The following DOCK4 variants were observed in gnomAD, a reference collection of about 807,000 sequenced individuals.
DOCK4 encodes the protein dedicator of cytokinesis 4, also known as dedicator of cytokinesis protein 4.
A neutral mutation model predicts 268.1 loss-of-function variants in DOCK4; 97 were observed. That is an observed-to-expected ratio of 0.36 (90% confidence interval 0.31 to 0.43). DOCK4 has a LOEUF of 0.43. Among genes scored for constraint, DOCK4 ranks in the 20% least tolerant of loss-of-function variants. The pLI is 1.00. For synonymous variants in DOCK4, 954 were observed against 887.2 expected, an observed-to-expected ratio of 1.08 and a Z score of -1.34; for missense variants, 2,145 against 2,455.7, an observed-to-expected ratio of 0.87 and a Z score of 2.67.
In DOCK4 at chr7:111,959,950, G is replaced by C. The variant is rs1586499836; in HGVS notation, c.702-14152C>G. Among the ~76,000 whole-genome samples the C allele has an allele frequency of 2.6e-5, 4 of 152,234 alleles. No individual in the cohort carries two copies. In the South Asian group the frequency reaches 8.3e-4, roughly 32 times the overall value. On this transcript the variant is annotated intron_variant, in intron 8 of 52. Transcript: ENST00000428084. ...TAGCAATTTCAGACGTCTCCCATTG[G>C]TGCGGCCATCACTGCACTCAGCAAT... is the stretch of plus-strand genomic sequence containing the variant.
intron 16 of DOCK4, among the ~76,000 whole-genome samples, chr7:111,893,952 A>G (rs773404788): frequency 3.3e-5 from 5 of 152,156 alleles, no homozygotes; most frequent in African/African-American, 4.8e-5. Context: ...GGCTGGGCGC[A>G]GTGGCCCACG....
At chr7:112,113,704 AC>A (rs2115743877) in intron 1 of DOCK4, among the ~76,000 whole-genome samples, 1 of 138,082 alleles carries the variant, frequency 7.2e-6, no homozygotes, top group South Asian at 2.4e-4. Flanking sequence ...AGTAGCTGAG[AC>A]TTCAGGCATG....
At chr7:112,005,333 G>T (rs1444098912) in intron 1 of DOCK4, among the ~76,000 whole-genome samples, 1 of 152,134 alleles carries the variant, frequency 6.6e-6, no homozygotes, top group East Asian at 1.9e-4. Flanking sequence ...GCCCTTTTAT[G>T]ATCTCAAAAC....
chr7:112,000,446 T>C (rs1320349890), intron 3 of DOCK4, 48 bp downstream of exon 3: 6 of 1,125,158 alleles, frequency 5.3e-6, no homozygotes, highest in Non-Finnish European at 6.3e-6. Context: ...TAAATAACTA[T>C]CTTTCTTAAT....
rs776797419 is a variant in DOCK4, at chr7:111,808,824, G to A, written c.3163C>T (p.Leu1055=). 1.2e-6 allele frequency: 2 copies of A among 1,612,312 alleles called. No homozygotes were observed. The highest frequency in any genetic ancestry group is 1.1e-5 in the South Asian group (1 of 90,562). Residue 1055 remains leucine (L), a synonymous_variant, in exon 30 of 53, where the codon CTA becomes TTA. Transcript: ENST00000428084. ...GGCTTCTCTTTTCCTCACTTACCTA[G>A]GTTTTGCCACATGCTGAAAATTTCA... The part of the protein sequence containing the change: ...GCEIFSMWQN[L]GEHKLHFIPA...
At position 111,938,848 on chromosome 7, in the gene DOCK4, G is replaced by A. The variant is rs1006417760; in HGVS notation, c.977+1262C>T. On this transcript the variant is annotated intron_variant, in intron 11 of 52. Transcript: ENST00000428084. ...TTTGTAGCCAGGCATGGTGGCATGC[G>A]CCTGTAATCCCAGCTACTCAGGAGG... Among the ~76,000 whole-genome samples, 7 of 152,036 alleles carry A rather than the reference G, an allele frequency of 4.6e-5. 1 individual carries two copies. The highest frequency in any genetic ancestry group is 4.2e-4 in the South Asian group (2 of 4,810).
chr7:112,099,186 G>A (rs1264499048), intron 1 of DOCK4, among the ~76,000 whole-genome samples: 1 of 151,936 alleles, frequency 6.6e-6, no homozygotes, highest in Non-Finnish European at 1.5e-5. Flanking sequence ...CAACTACTTG[G>A]GAGGCTGAGA....
At chr7:111,904,638 T>A (rs1266063657) in intron 13 of DOCK4, among the ~76,000 whole-genome samples, 8 of 152,120 alleles carry the variant, frequency 5.3e-5, no homozygotes, top group Non-Finnish European at 1.2e-4. Context: ...AGATTCTGAA[T>A]TCAAATACAC....
intron 13 of DOCK4, among the ~76,000 whole-genome samples, chr7:111,908,684 T>C (rs1791824192): frequency 6.6e-6 from 1 of 152,054 alleles, no homozygotes; most frequent in African/African-American, 2.4e-5. Context: ...TTTGTCCTAA[T>C]GCTCTCCCTC....
At chr7:112,189,751 T>TTG (rs199827048) in intron 1 of DOCK4, among the ~76,000 whole-genome samples, 16,034 of 135,098 alleles carry the variant, frequency 0.12, 1,821 homozygotes, top group African/African-American at 0.34. Flanking sequence ...GTTTTGTTTT[T>TTG]TTTTTTTTTT....
intron 10 of DOCK4, among the ~76,000 whole-genome samples, chr7:111,940,813 T>C (rs1795144007): frequency 6.6e-6 from 1 of 152,230 alleles, no homozygotes; most frequent in African/African-American, 2.4e-5. Context: ...TTTAAAAATA[T>C]GTTATTAATA....
chr7:111,791,101 A>ATATATATATATATATATAT lies in DOCK4; in HGVS notation c.3167-497_3167-496insATATATATATATATATATA, dbSNP rs1355856524. On this transcript the variant is annotated intron_variant, in intron 30 of 52. Coordinates refer to ENST00000428084, the MANE Select transcript of DOCK4 (RefSeq NM_001363540.2). ...ATATATATATATATATATATATATA[A>ATATATATATATATATATAT]AATAAATCATCAGGAATTGGTTATG... is the stretch of plus-strand genomic sequence containing the variant. Among the ~76,000 whole-genome samples the ATATATATATATATATATAT allele has an allele frequency of 3.9e-4, 45 of 115,860 alleles. 1 individual carries two copies. Among genetic ancestry groups the ATATATATATATATATATAT allele is most frequent in the African/African-American group, 8.6e-4 (20 of 23,182 alleles). 76.0% of individuals were successfully genotyped at this position (115,860 alleles called of 152,430 possible). A position where few individuals can be genotyped will look rare whatever the true frequency, so the allele number is the denominator to read the frequency against.
intron 1 of DOCK4, among the ~76,000 whole-genome samples, chr7:112,103,079 T>C (rs1810834495): frequency 6.6e-6 from 1 of 152,236 alleles, no homozygotes; most frequent in Admixed American, 6.5e-5. Flanking sequence ...CTGACATGTC[T>C]GAATTTACCT....
Position 111,900,522 on chromosome 7 carries a change from G to A in DOCK4, c.1332C>T (p.Phe444=), listed in dbSNP as rs763782984. 2.5e-5 allele frequency: 41 copies of A among 1,610,456 alleles called. 1 individual carries two copies. The highest frequency in any genetic ancestry group is 1.6e-4 in the Middle Eastern group (1 of 6,082). ...SGQTLKDFIS[F]GSGEPPASEY... is the part of the protein sequence containing the mutation. Reference sequence around the variant, plus strand: ...CACTGGCTGGTGGCTCCCCAGAGCCGAAGGAGATAAAATCCTAACAAAGGG... The same window carrying A: ...CACTGGCTGGTGGCTCCCCAGAGCCAAAGGAGATAAAATCCTAACAAAGGG... The change falls in exon 15 of 53, where the codon TTC becomes TTT. Residue 444 remains phenylalanine, a synonymous_variant. Coordinates refer to ENST00000428084, the MANE Select transcript of DOCK4 (RefSeq NM_001363540.2).
At chr7:111,841,629 G>A (rs1803704634) in intron 25 of DOCK4, among the ~76,000 whole-genome samples, 1 of 152,064 alleles carries the variant, frequency 6.6e-6, no homozygotes, top group Admixed American at 6.6e-5. Context: ...TTATGTGTGT[G>A]TTTCATGGAA....
At chr7:111,742,683 T>G (rs931950602) in intron 44 of DOCK4, among the ~76,000 whole-genome samples, 5 of 152,192 alleles carry the variant, frequency 3.3e-5, no homozygotes, top group Non-Finnish European at 7.3e-5. Context: ...TTTCCATGCT[T>G]CTTGTTTTTG....
chr7:112,152,647 G>C (rs1816204374), intron 1 of DOCK4, among the ~76,000 whole-genome samples: 2 of 152,080 alleles, frequency 1.3e-5, no homozygotes, highest in South Asian at 4.1e-4. Context: ...TTTCTTGATA[G>C]TTCTTGTTTG....
intron 1 of DOCK4, among the ~76,000 whole-genome samples, chr7:112,033,287 G>A (rs1803447859): frequency 6.6e-6 from 1 of 152,036 alleles, no homozygotes; most frequent in Admixed American, 6.5e-5. Flanking sequence ...ATTACCTACT[G>A]CTTGAGGCTT....
intron 1 of DOCK4, among the ~76,000 whole-genome samples, chr7:112,064,501 C>G (rs1181599752): frequency 6.6e-6 from 1 of 152,172 alleles, no homozygotes; most frequent in East Asian, 1.9e-4. Context: ...TTAGAGTTTG[C>G]AGGGACACTA....
Sources: allele counts gnomAD v4.1 joint callset (sites outside exome capture counted in the v4.1 genomes callset), GRCh38; gene constraint gnomAD v4.1.1; transcripts MANE v1.5; gene names NCBI Gene and HGNC (gene_info 2026-07-23, HGNC 2026-07-21).